Variants in TCF4 observed in about 807,000 individuals in gnomAD.
TCF4 encodes SL3-3 enhancer factor 2.
TCF4 carries 3 observed loss-of-function variants against 82.1 expected under a neutral mutation model. The observed-to-expected ratio is 0.04, with a 90% CI of 0.02 to 0.09. The LOEUF is 0.09. Among genes scored for constraint, TCF4 ranks in the 10% least tolerant of loss-of-function variants. The pLI is 1.00. For synonymous variants in TCF4, 276 were observed against 309.6 expected, an observed-to-expected ratio of 0.89 and a Z score of 1.14; for missense variants, 518 against 852.7, an observed-to-expected ratio of 0.61 and a Z score of 4.89.
At chr18:55,496,747 A>G (rs2096640584) in intron 3 of TCF4, among the ~76,000 whole-genome samples, 1 of 152,166 alleles carries the variant, frequency 6.6e-6, no homozygotes. Context: ...ACCCAGTTAT[A>G]TAGTCCTTGC....
chr18:55,406,815 C>A (rs1444268361), intron 5 of TCF4, among the ~76,000 whole-genome samples: 3 of 152,156 alleles, frequency 2.0e-5, no homozygotes, highest in African/African-American at 7.2e-5. Context: ...AAAGAGATAG[C>A]AGTGATGAAC....
Position 55,226,006 on chromosome 18 carries a change from T to C in TCF4, c.*2029A>G, listed in dbSNP as rs1293041257. 6.7e-6 allele frequency: 1 copy of C among 148,398 alleles called. No homozygotes were observed. Among genetic ancestry groups the C allele is most frequent in the Non-Finnish European group, 1.5e-5 (1 of 66,398 alleles). The allele number at this position is 148,398 out of a possible 1,614,324, so 9.2% of individuals were successfully genotyped here. The stretch of plus-strand genomic sequence containing the variant: ...AGCTATTTCATTTAAATGAGACTTC[T>C]TTTTAAACCACAGTTTTTAAAAAAA... On this transcript the variant is annotated 3_prime_UTR_variant, in exon 20 of 20. Coordinates refer to ENST00000354452, the MANE Select transcript of TCF4 (RefSeq NM_001083962.2).
chr18:55,539,252 G>C (rs1245197271), intron 3 of TCF4, among the ~76,000 whole-genome samples: 1 of 152,082 alleles, frequency 6.6e-6, no homozygotes, highest in African/African-American at 2.4e-5. Flanking sequence ...CCTGCACAAA[G>C]CCAGAGATTT....
chr18:55,521,561 C>G (rs1348986456), intron 3 of TCF4, among the ~76,000 whole-genome samples: 1 of 152,212 alleles, frequency 6.6e-6, no homozygotes, highest in Non-Finnish European at 1.5e-5. Context: ...TCGGCTTACT[C>G]TCACCTGAAC....
chr18:55,377,136 G>A (rs1342750870), intron 6 of TCF4, among the ~76,000 whole-genome samples: 1 of 152,154 alleles, frequency 6.6e-6, no homozygotes, highest in East Asian at 1.9e-4. Flanking sequence ...CCATCAACAT[G>A]TTATGACTGA....
chr18:55,465,524 A>G (rs575854686), intron 3 of TCF4, among the ~76,000 whole-genome samples: 1 of 152,186 alleles, frequency 6.6e-6, no homozygotes, highest in African/African-American at 2.4e-5. Flanking sequence ...AAATCAGTGC[A>G]CTGTGAGCTT....
At chr18:55,516,636 G>T (rs541441150) in intron 3 of TCF4, among the ~76,000 whole-genome samples, 1 of 152,150 alleles carries the variant, frequency 6.6e-6, no homozygotes, top group African/African-American at 2.4e-5. Flanking sequence ...GTCAGGGAAG[G>T]CTTTCTGATA....
In TCF4 at chr18:55,622,485, C is replaced by G. The variant is rs117145248; in HGVS notation, c.286+8813G>C. ...ACATCACTGCACTTCAGCCTGGCAA[C>G]AGAGCGAGACTCAATCTTAAAAAAA... On this transcript the variant is annotated intron_variant, in intron 2 of 20. Coordinates refer to the TCF4 transcript ENST00000398339. Among the ~76,000 whole-genome samples, 879 of 131,762 alleles carry G rather than the reference C, an allele frequency of 6.7e-3. 27 individuals carry two copies. In the East Asian group the frequency reaches 0.1, roughly 15 times the overall value. The allele number at this position is 131,762 out of a possible 152,430, so 86.4% of individuals were successfully genotyped here.
intron 2 of TCF4, among the ~76,000 whole-genome samples, chr18:55,610,448 A>T (rs781676403): frequency 4.6e-5 from 7 of 152,012 alleles, no homozygotes; most frequent in African/African-American, 7.2e-5. Flanking sequence ...TTGTTCCTGC[A>T]CTCAGTTTGG....
intron 11 of TCF4, among the ~76,000 whole-genome samples, chr18:55,263,023 C>A (rs140290267): frequency 2.0e-5 from 3 of 152,112 alleles, no homozygotes; most frequent in Non-Finnish European, 4.4e-5. Context: ...TCAGGCTGGT[C>A]TCGAACTCCT....
intron 3 of TCF4, among the ~76,000 whole-genome samples, chr18:55,493,829 T>C (rs1192951603): frequency 6.6e-6 from 1 of 152,150 alleles, no homozygotes; most frequent in African/African-American, 2.4e-5. Context: ...CTACAGTTTC[T>C]GTAGACTAGT....
At chr18:55,365,599 G>C (rs1439450381) in intron 6 of TCF4, among the ~76,000 whole-genome samples, 1 of 151,828 alleles carries the variant, frequency 6.6e-6, no homozygotes, top group Non-Finnish European at 1.5e-5. Flanking sequence ...GCACAAACAG[G>C]ATAAAAATCT....
At position 55,296,511 on chromosome 18, in the gene TCF4, T is replaced by C. The variant is rs77416177; in HGVS notation, c.550-16855A>G. 5.6e-4 allele frequency among the ~76,000 whole-genome samples: 86 copies of C among 152,336 alleles called. No individual in the cohort carries two copies. The East Asian group carries it at 0.011, about 19-fold the overall frequency. On this transcript the variant is annotated intron_variant, in intron 8 of 19. Transcript: ENST00000354452. The stretch of plus-strand genomic sequence containing the variant: ...GGGTGAGAGTCTATGATCGGGCTTC[T>C]ACTATATGGCTAAGAGAGGGCGTCC...
chr18:55,255,307 G>GA (rs1198493555), intron 14 of TCF4, among the ~76,000 whole-genome samples: 3 of 152,012 alleles, frequency 2.0e-5, no homozygotes, highest in East Asian at 1.9e-4. Context: ...AATGGTTACA[G>GA]AAAAAAATTA....
At position 55,618,577 on chromosome 18, in the gene TCF4, C is replaced by CT. The variant is rs1052622677; in HGVS notation, c.286+12720dup. On this transcript the variant is annotated intron_variant, in intron 2 of 20. Coordinates refer to the TCF4 transcript ENST00000398339. ...TATTTTTCTACAATTTTTCTTTTCT[C>CT]TTTTTTTTTTGTTTGTTTTTTTGAG... Among the ~76,000 whole-genome samples, 234 of 147,866 alleles carry CT rather than the reference C, an allele frequency of 1.6e-3. 1 individual carries two copies. The highest frequency in any genetic ancestry group is 8.2e-3 in the East Asian group (42 of 5,096).
intron 2 of TCF4, among the ~76,000 whole-genome samples, chr18:55,598,804 A>G (rs1219074209): frequency 2.0e-5 from 3 of 152,236 alleles, no homozygotes; most frequent in African/African-American, 7.2e-5. Flanking sequence ...GTTTAGAGCC[A>G]TCAAATACAG....
At chr18:55,589,847 G>A, upstream of TCF4, 1 of 1,003,038 alleles carries the variant, frequency 1.0e-6, no homozygotes, top group African/African-American at 1.7e-5. Flanking sequence ...TCCAGACAAT[G>A]ACTGGGAAGG....
chr18:55,390,138 G>C (rs1199513038), intron 6 of TCF4, among the ~76,000 whole-genome samples: 1 of 151,954 alleles, frequency 6.6e-6, no homozygotes, highest in African/African-American at 2.4e-5. Flanking sequence ...CCAAACACAT[G>C]TAAGAATACG....
At position 55,234,642 on chromosome 18, in the gene TCF4, G is replaced by A; in HGVS notation, c.1392C>T (p.Ser464=). ...HREDGVALRG[S]HSLLPNQVPV... ...GAACCTGGTTTGGCAGAAGAGAATG[G>A]CTGCCTCTCAGGGCCACGCCATCTT... is the stretch of plus-strand genomic sequence containing the variant. Residue 464 remains serine (S), a synonymous_variant, in exon 16 of 20, where the codon AGC becomes AGT. Coordinates refer to ENST00000354452, the MANE Select transcript of TCF4 (RefSeq NM_001083962.2). 6.2e-7 allele frequency: 1 copy of A among 1,614,162 alleles called. No individual in the cohort carries two copies. Among genetic ancestry groups the A allele is most frequent in the South Asian group, 1.1e-5 (1 of 91,086 alleles).
Sources: allele counts gnomAD v4.1 joint callset (sites outside exome capture counted in the v4.1 genomes callset), GRCh38; gene constraint gnomAD v4.1.1; transcripts MANE v1.5; gene names NCBI Gene and HGNC (gene_info 2026-07-23, HGNC 2026-07-21).